The following CADM2 variants were observed in gnomAD, a reference collection of about 807,000 sequenced individuals.
The protein encoded by CADM2 is immunoglobulin superfamily member 4D.
Under a neutral mutation model 49.8 loss-of-function variants are expected in CADM2, and 12 were observed. The ratio of observed to expected loss-of-function variants is 0.24; its 90% CI spans 0.15 to 0.39. CADM2 has a LOEUF of 0.39. CADM2 is among the 10% of genes least tolerant of loss of function. The pLI, the probability that CADM2 is intolerant of heterozygous loss-of-function variation, is 1.00. For synonymous variants in CADM2, 214 were observed against 175.4 expected, an observed-to-expected ratio of 1.22 and a Z score of -1.74; for missense variants, 378 against 492.3, an observed-to-expected ratio of 0.77 and a Z score of 2.20.
At chr3:85,860,187 G>C (rs981983802) in intron 3 of CADM2, among the ~76,000 whole-genome samples, 1 of 151,990 alleles carries the variant, frequency 6.6e-6, no homozygotes, top group Non-Finnish European at 1.5e-5. Flanking sequence ...TACATACTTA[G>C]TAGCAAATCC....
At chr3:85,391,232 T>A (rs1252427031) in intron 1 of CADM2, among the ~76,000 whole-genome samples, 1 of 151,756 alleles carries the variant, frequency 6.6e-6, no homozygotes, top group South Asian at 2.1e-4. Flanking sequence ...TGATAAAGAG[T>A]TCAATTAATA....
intron 1 of CADM2, among the ~76,000 whole-genome samples, chr3:85,321,659 T>C (rs2044615384): frequency 6.6e-6 from 1 of 152,322 alleles, no homozygotes; most frequent in African/African-American, 2.4e-5. Context: ...ATTTGGCTTA[T>C]ACATCTCAAG....
At chr3:85,396,342 G>T (rs770170779) in intron 1 of CADM2, among the ~76,000 whole-genome samples, 9 of 151,922 alleles carry the variant, frequency 5.9e-5, no homozygotes, top group Non-Finnish European at 8.8e-5. Context: ...GGAAAGATGA[G>T]AAATAACTGG....
At chr3:85,539,102 T>G (rs1029962586) in intron 1 of CADM2, among the ~76,000 whole-genome samples, 1 of 150,848 alleles carries the variant, frequency 6.6e-6, no homozygotes, top group Non-Finnish European at 1.5e-5. Flanking sequence ...TAAATGACAC[T>G]TAAAGATAAT....
chr3:85,428,281 C>T (rs1238217259), intron 1 of CADM2, among the ~76,000 whole-genome samples: 1 of 146,660 alleles, frequency 6.8e-6, no homozygotes, highest in African/African-American at 2.5e-5. Context: ...AGCTAAACTA[C>T]ATTTTCATCA....
intron 8 of CADM2, among the ~76,000 whole-genome samples, chr3:86,018,388 T>C (rs1203118190): frequency 1.1e-3 from 169 of 151,178 alleles, no homozygotes; most frequent in Non-Finnish European, 2.9e-4. Flanking sequence ...TTTGGGTATA[T>C]ACCCAGTAAT....
At chr3:85,687,599 G>A (rs1363220625) in intron 1 of CADM2, among the ~76,000 whole-genome samples, 1 of 152,122 alleles carries the variant, frequency 6.6e-6, no homozygotes, top group Non-Finnish European at 1.5e-5. Flanking sequence ...ATACAATTGA[G>A]TAATAAGCAA....
chr3:85,132,689 T>C (rs1434380673), intron 1 of CADM2, among the ~76,000 whole-genome samples: 1 of 152,000 alleles, frequency 6.6e-6, no homozygotes, highest in Non-Finnish European at 1.5e-5. Flanking sequence ...CAATAATAAA[T>C]TATGCCTTCA....
At chr3:85,330,534 C>T (rs2044888035) in intron 1 of CADM2, among the ~76,000 whole-genome samples, 1 of 152,136 alleles carries the variant, frequency 6.6e-6, no homozygotes, top group African/African-American at 2.4e-5. Flanking sequence ...CCTTTCTACA[C>T]TGCCCAGTGC....
chr3:85,080,986 A>G (rs994645542), intron 1 of CADM2, among the ~76,000 whole-genome samples: 7 of 152,118 alleles, frequency 4.6e-5, no homozygotes, highest in African/African-American at 1.7e-4. Flanking sequence ...GGAAATACTG[A>G]AAATTTCTGA....
intron 8 of CADM2, among the ~76,000 whole-genome samples, chr3:86,032,010 G>A (rs754169101): frequency 6.6e-6 from 1 of 151,704 alleles, no homozygotes; most frequent in Non-Finnish European, 1.5e-5. Flanking sequence ...CGGATCAAGA[G>A]TAAATTAATT....
intron 1 of CADM2, among the ~76,000 whole-genome samples, chr3:85,628,629 G>T (rs372000244): frequency 5.6e-5 from 1 of 17,878 alleles, no homozygotes; most frequent in Non-Finnish European, 8.8e-5. Flanking sequence ...ACATATATAC[G>T]CATATATACA....
At chr3:85,307,877 G>A (rs1368572745) in intron 1 of CADM2, among the ~76,000 whole-genome samples, 2 of 150,114 alleles carry the variant, frequency 1.3e-5, no homozygotes, top group African/African-American at 4.9e-5. Context: ...TTAAGTTAGA[G>A]CTTCAAAATG....
At chr3:85,401,728 C>A (rs1246100913) in intron 1 of CADM2, among the ~76,000 whole-genome samples, 2 of 152,098 alleles carry the variant, frequency 1.3e-5, no homozygotes, top group African/African-American at 4.8e-5. Flanking sequence ...CCAACATTGA[C>A]CAGACACAAA....
chr3:85,042,575 A>G (rs1449318342), intron 1 of CADM2, among the ~76,000 whole-genome samples: 2 of 151,876 alleles, frequency 1.3e-5, no homozygotes, highest in Non-Finnish European at 2.9e-5. Context: ...TTTCTTTTCC[A>G]TGTCTATCAT....
At chr3:85,093,088 C>T (rs73843285) in intron 1 of CADM2, among the ~76,000 whole-genome samples, 446 of 152,246 alleles carry the variant, frequency 2.9e-3, no homozygotes, top group African/African-American at 9.4e-3. Flanking sequence ...TTACAGATGT[C>T]CTCGGACAAA....
chr3:85,115,993 T>A (rs567877240), intron 1 of CADM2, among the ~76,000 whole-genome samples: 5 of 152,310 alleles, frequency 3.3e-5, no homozygotes, highest in African/African-American at 1.2e-4. Flanking sequence ...TCATTAGCAA[T>A]AGGACTCAAG....
chr3:86,042,641 A>G (rs945566419), intron 8 of CADM2, among the ~76,000 whole-genome samples: 12 of 152,186 alleles, frequency 7.9e-5, no homozygotes, highest in African/African-American at 2.4e-4. Context: ...GCTGAATTCT[A>G]CCAGAGGTAC....
intron 1 of CADM2, among the ~76,000 whole-genome samples, chr3:85,723,978 C>G (rs1333468129): frequency 1.3e-5 from 2 of 151,714 alleles, no homozygotes; most frequent in Non-Finnish European, 2.9e-5. Flanking sequence ...GAAATTGAGA[C>G]AAACATTATT....
Sources: gnomAD v4.1 joint callset for allele counts (sites outside exome capture counted in the v4.1 genomes callset) on GRCh38, gnomAD v4.1.1 for gene constraint, MANE v1.5 for transcripts, NCBI Gene and HGNC (gene_info 2026-07-23, HGNC 2026-07-21) for gene names.